Variants in MED13 observed in about 807,000 individuals in gnomAD.
MED13 encodes the protein mediator complex subunit 13.
MED13 carries 23 observed loss-of-function variants against 225.2 expected under a neutral mutation model. The observed-to-expected ratio is 0.10, with a 90% confidence interval of 0.07 to 0.14. The LOEUF (loss-of-function observed/expected upper bound fraction) is 0.14, where lower values mean the gene tolerates loss of function less well. MED13 is among the 10% of genes least tolerant of loss of function. The probability of loss-of-function intolerance (pLI) is 1.00; values close to 1 mark genes in which losing one functional copy is unlikely to be tolerated. For synonymous variants in MED13, 942 were observed against 889.2 expected, an observed-to-expected ratio of 1.06 and a Z score of -1.06; for missense variants, 2,197 against 2,594.5, an observed-to-expected ratio of 0.85 and a Z score of 3.33.
At chr17:62,030,652 C>G (rs1333630746) in intron 6 of MED13, 2 of 152,232 alleles carry the variant, frequency 1.3e-5, no homozygotes, top group Non-Finnish European at 2.9e-5. Context: ...GTCAGCTGAG[C>G]ATGAGCATAT....
chr17:61,985,149 G>C (rs2080237051), intron 12 of MED13, 59 bp from the exon 13 acceptor site: 2 of 1,386,942 alleles, frequency 1.4e-6, no homozygotes, highest in Non-Finnish European at 2.0e-6. Context: ...TCTCAAAATA[G>C]TAATCATTCA....
chr17:62,027,316 C>T (rs1435472240), intron 8 of MED13, among the ~76,000 whole-genome samples: 4 of 152,212 alleles, frequency 2.6e-5, no homozygotes, highest in Middle Eastern at 3.4e-3. Flanking sequence ...ACAAAGCTCA[C>T]AAAAACAAGC....
At chr17:62,020,272 G>A (rs938169171) in intron 8 of MED13, among the ~76,000 whole-genome samples, 4 of 151,736 alleles carry the variant, frequency 2.6e-5, no homozygotes, top group African/African-American at 4.8e-5. Context: ...TTTTATTGAG[G>A]TATAACTTAC....
At chr17:61,958,848 T>A (rs997398896) in intron 23 of MED13, among the ~76,000 whole-genome samples, 4 of 152,182 alleles carry the variant, frequency 2.6e-5, no homozygotes, top group Non-Finnish European at 4.4e-5. Context: ...TAATACCTCA[T>A]TTCATCCTAA....
chr17:62,049,661 G>A (rs913594070), intron 3 of MED13, among the ~76,000 whole-genome samples: 2 of 152,220 alleles, frequency 1.3e-5, no homozygotes, highest in African/African-American at 2.4e-5. Context: ...GCTGGGCGCC[G>A]TGGCTCACGC....
intron 16 of MED13, among the ~76,000 whole-genome samples, chr17:61,974,146 T>C (rs1166415600): frequency 6.6e-6 from 1 of 152,186 alleles, no homozygotes; most frequent in Non-Finnish European, 1.5e-5. Context: ...GGGTGGTGGC[T>C]CATGCCTGTA....
intron 22 of MED13, 77 bp from the exon 23 acceptor site, chr17:61,961,167 C>A: frequency 1.7e-6 from 2 of 1,195,970 alleles, no homozygotes; most frequent in Non-Finnish European, 2.3e-6. Flanking sequence ...TAATTCTTAT[C>A]TACCCAATTA....
chr17:62,051,594 T>C (rs1454616868), intron 3 of MED13, among the ~76,000 whole-genome samples: 1 of 152,150 alleles, frequency 6.6e-6, no homozygotes, highest in Non-Finnish European at 1.5e-5. Flanking sequence ...TTATCCAGGC[T>C]TATCTACTCA....
intron 16 of MED13, among the ~76,000 whole-genome samples, chr17:61,975,929 T>C (rs1268122962): frequency 6.6e-6 from 1 of 152,160 alleles, no homozygotes; most frequent in South Asian, 2.1e-4. Context: ...GGCGGGAGAA[T>C]TGCTTGAACC....
chr17:62,037,196 T>G (rs1005549141), intron 3 of MED13, among the ~76,000 whole-genome samples: 37 of 151,832 alleles, frequency 2.4e-4, no homozygotes, highest in African/African-American at 9.0e-4. Context: ...GAGGCTGCAG[T>G]GAGCCAAGAT....
In MED13 at chr17:62,051,114, T is replaced by C. The variant is rs369610670; in HGVS notation, c.470+1423A>G. Among the ~76,000 whole-genome samples the C allele has an allele frequency of 4.3e-4, 66 of 152,376 alleles. 1 individual carries two copies. In the South Asian group the frequency reaches 0.012, roughly 29 times the overall value. On this transcript the variant is annotated intron_variant, in intron 3 of 29. Transcript: ENST00000397786. ...TCTAATATCTATCAGCCCTTTCTTC[T>C]TACTAACAAAAACTTCATTTGTTCA...
chr17:62,063,748 T>A (rs2143793121), intron 1 of MED13, among the ~76,000 whole-genome samples: 1 of 152,286 alleles, frequency 6.6e-6, no homozygotes, highest in Non-Finnish European at 1.5e-5. Context: ...CTGAACAAGT[T>A]CTGAAAAAAT....
At chr17:62,035,775 G>A (rs1436439551) in intron 3 of MED13, among the ~76,000 whole-genome samples, 167 bp from the exon 4 acceptor site, 2 of 152,078 alleles carry the variant, frequency 1.3e-5, no homozygotes, top group East Asian at 1.9e-4. Flanking sequence ...TTAGCTATAA[G>A]AAATGTTCTT....
chr17:62,033,560 T>C (rs2080776301), intron 5 of MED13, among the ~76,000 whole-genome samples: 1 of 152,234 alleles, frequency 6.6e-6, no homozygotes, highest in South Asian at 2.1e-4. Context: ...AAGAACAGCA[T>C]GTCCTAGCTA....
At position 61,943,516 on chromosome 17, in the gene MED13, T is replaced by C. The variant is rs1361985273; in HGVS notation, c.*2952A>G. ...CAGTAATCTGTGCCATACTGACAAT[T>C]GAGTACGAATACAGCTGAGGATAGT... On this transcript the variant is annotated 3_prime_UTR_variant, in exon 30 of 30. Transcript: ENST00000397786. The C allele has an allele frequency of 6.6e-6, 1 of 152,590 alleles. No homozygotes were observed. Among genetic ancestry groups the C allele is most frequent in the Admixed American group, 6.5e-5 (1 of 15,274 alleles). 9.5% of individuals were successfully genotyped at this position (152,590 alleles called of 1,614,324 possible).
At chr17:62,032,849 A>G (rs1356140713) in intron 5 of MED13, among the ~76,000 whole-genome samples, 1 of 152,148 alleles carries the variant, frequency 6.6e-6, no homozygotes, top group East Asian at 1.9e-4. Context: ...AGCCAATCTG[A>G]AAAAATCTGA....
In MED13 at chr17:61,984,747, T is replaced by TCCA. The variant is rs751658070; in HGVS notation, c.2592_2594dup (p.Gly866dup). 11 of 1,613,842 alleles carry TCCA rather than the reference T, an allele frequency of 6.8e-6. No individual in the cohort carries two copies. Among genetic ancestry groups the TCCA allele is most frequent in the Non-Finnish European group, 9.3e-6 (11 of 1,179,860 alleles). On this transcript the variant is annotated inframe_insertion, in exon 14 of 30. Coordinates refer to ENST00000397786, the MANE Select transcript of MED13 (RefSeq NM_005121.3). ...AACTATTTCCTTCTAGAACAGTTCC[T>TCCA]CCAGGTGTTGTATCCATACTACCAT...
intron 24 of MED13, 107 bp from the exon 25 acceptor site, chr17:61,955,945 A>C: frequency 1.5e-6 from 2 of 1,368,936 alleles, no homozygotes; most frequent in Non-Finnish European, 1.9e-6. Flanking sequence ...AAAAATAGTT[A>C]ATGGCTTTTA....
intron 8 of MED13, among the ~76,000 whole-genome samples, chr17:62,020,903 C>G (rs2143638105): frequency 6.6e-6 from 1 of 151,680 alleles, no homozygotes; most frequent in Middle Eastern, 3.4e-3. Context: ...AATGAGCATG[C>G]TGCCTTCAAG....
Sources: gnomAD v4.1 joint callset for allele counts (sites outside exome capture counted in the v4.1 genomes callset) on GRCh38, gnomAD v4.1.1 for gene constraint, MANE v1.5 for transcripts, NCBI Gene and HGNC (gene_info 2026-07-23, HGNC 2026-07-21) for gene names.